ABCC4: variants seen among roughly 807,000 people sequenced by gnomAD.
ABCC4 encodes the protein ATP binding cassette subfamily C member 4 (PEL blood group).
In ABCC4, 102 loss-of-function variants were observed where a neutral mutation model predicts 168.5. That is an observed-to-expected ratio of 0.61 (90% CI 0.52 to 0.71). The LOEUF (loss-of-function observed/expected upper bound fraction) is 0.71, where lower values mean the gene tolerates loss of function less well. ABCC4 is among the 30% of genes least tolerant of loss of function. The pLI is 0.00. For synonymous variants in ABCC4, 617 were observed against 590.7 expected (o/e 1.04, Z -0.65); for missense variants, 1,402 against 1,605.8 (o/e 0.87, Z 2.17).
At chr13:95,232,711 C>T (rs534077822) in intron 4 of ABCC4, among the ~76,000 whole-genome samples, 51 of 151,638 alleles carry the variant, frequency 3.4e-4, no homozygotes, top group African/African-American at 1.0e-3. Flanking sequence ...CTTAAAAAAA[C>T]GGCCCAGGAC....
intron 24 of ABCC4, among the ~76,000 whole-genome samples, chr13:95,072,347 G>C (rs1566392194): frequency 1.3e-5 from 2 of 152,128 alleles, no homozygotes; most frequent in Non-Finnish European, 2.9e-5. Flanking sequence ...TGTAATCCCA[G>C]CTACTCAGGA....
intron 30 of ABCC4, among the ~76,000 whole-genome samples, chr13:95,029,129 G>A (rs773516058): frequency 1.8e-4 from 27 of 148,054 alleles, no homozygotes; most frequent in Non-Finnish European, 3.1e-4. Flanking sequence ...TAGAGGTCCA[G>A]CCTGGGCAAC....
At chr13:95,291,479 CCA>C (rs1216459152) in intron 1 of ABCC4, among the ~76,000 whole-genome samples, 1 of 152,152 alleles carries the variant, frequency 6.6e-6, no homozygotes, top group Non-Finnish European at 1.5e-5. Context: ...AATCTAGCAA[CCA>C]CAGTGTTGAT....
intron 15 of ABCC4, 90 bp downstream of exon 15, chr13:95,166,068 G>A (rs1178631579): frequency 8.3e-7 from 1 of 1,206,086 alleles, no homozygotes; most frequent in African/African-American, 1.5e-5. Flanking sequence ...TGGGACAAAA[G>A]ATGAAGCTTT....
At chr13:95,049,410 A>C (rs1393866554) in intron 27 of ABCC4, among the ~76,000 whole-genome samples, 5 of 151,904 alleles carry the variant, frequency 3.3e-5, no homozygotes, top group Non-Finnish European at 7.4e-5. Flanking sequence ...GGGAGGCTGA[A>C]GCAGGTGGAT....
chr13:95,220,209 A>G (rs2039276005), intron 4 of ABCC4, among the ~76,000 whole-genome samples: 1 of 152,034 alleles, frequency 6.6e-6, no homozygotes, highest in Non-Finnish European at 1.5e-5. Flanking sequence ...CAAATAAGAA[A>G]TGTGTTTATA....
In ABCC4 at chr13:95,247,636, G is replaced by C. The variant is rs11568700; in HGVS notation, c.185+7C>G. The C allele has an allele frequency of 6.2e-7, 1 of 1,609,542 alleles. No individual in the cohort carries two copies. The highest frequency in any genetic ancestry group is 1.7e-5 in the Admixed American group (1 of 59,936). ...CCTTAATGCCCACTTTACTGCCTCC[G>C]ACTTACCCTTGCAACTCCTCTCCAA... On this transcript the variant is annotated splice_region_variant and intron_variant, in intron 2 of 30. Transcript: ENST00000645237.
intron 30 of ABCC4, among the ~76,000 whole-genome samples, chr13:95,032,492 G>A (rs527402327): frequency 3.9e-5 from 6 of 152,146 alleles, no homozygotes; most frequent in East Asian, 1.9e-4. Context: ...TTATAGAATC[G>A]TTTTGAGGAT....
chr13:95,065,142 G>T (rs1041490779), intron 25 of ABCC4, among the ~76,000 whole-genome samples: 1 of 152,088 alleles, frequency 6.6e-6, no homozygotes, highest in Non-Finnish European at 1.5e-5. Context: ...TCTTCCCCAA[G>T]TTCACAGGCT....
chr13:95,038,221 A>G (rs1434373705), intron 29 of ABCC4, among the ~76,000 whole-genome samples: 1 of 152,068 alleles, frequency 6.6e-6, no homozygotes, highest in Non-Finnish European at 1.5e-5. Context: ...GCCAAAACAC[A>G]TTGGAGGAAA....
At chr13:95,108,095 C>T (rs1157387280) in intron 20 of ABCC4, among the ~76,000 whole-genome samples, 1 of 152,068 alleles carries the variant, frequency 6.6e-6, no homozygotes, top group Admixed American at 6.5e-5. Flanking sequence ...GAGTAGTCTC[C>T]ACAGCTGGGA....
At chr13:95,103,379 C>T (rs548694366) in intron 20 of ABCC4, among the ~76,000 whole-genome samples, 1 of 152,348 alleles carries the variant, frequency 6.6e-6, no homozygotes, top group Non-Finnish European at 1.5e-5. Flanking sequence ...TCACCCTAAA[C>T]AGACCACATA....
chr13:95,034,421 C>T (rs1011016930), intron 30 of ABCC4, among the ~76,000 whole-genome samples, 184 bp downstream of exon 30: 1 of 152,252 alleles, frequency 6.6e-6, no homozygotes. Flanking sequence ...CCCGCTTCTG[C>T]CAACTCTTTG....
rs539228326 is a variant in ABCC4, at chr13:95,075,978, ATG to A, written c.2687-429_2687-428del. Among the ~76,000 whole-genome samples the A allele has an allele frequency of 2.3e-3, 356 of 152,280 alleles. 3 individuals are homozygous for A. The highest frequency in any genetic ancestry group is 8.2e-3 in the African/African-American group (339 of 41,558). The stretch of plus-strand genomic sequence containing the variant: ...CATACTGAATTACAATTAGCCATCT[ATG>A]TGTCTGTCCCCACCTTAAATTGCTA... On this transcript the variant is annotated intron_variant, in intron 21 of 30. Transcript: ENST00000645237.
chr13:95,158,679 T>A (rs2036963183), intron 19 of ABCC4, among the ~76,000 whole-genome samples: 1 of 152,128 alleles, frequency 6.6e-6, no homozygotes, highest in Admixed American at 6.5e-5. Context: ...GGGCACAACA[T>A]CATGCCAGAT....
intron 4 of ABCC4, among the ~76,000 whole-genome samples, chr13:95,224,528 G>T (rs779988215): frequency 3.9e-5 from 6 of 152,164 alleles, no homozygotes; most frequent in Non-Finnish European, 8.8e-5. Context: ...CTTGAGGTCA[G>T]GAGTTCAAGA....
At chr13:95,171,159 T>G (rs988186547) in intron 13 of ABCC4, among the ~76,000 whole-genome samples, 1 of 148,148 alleles carries the variant, frequency 6.8e-6, no homozygotes, top group Non-Finnish European at 1.5e-5. Flanking sequence ...CAAATGCTAG[T>G]GACATGTGAC....
chr13:95,253,954 G>A (rs982486125), intron 1 of ABCC4, among the ~76,000 whole-genome samples: 11 of 152,024 alleles, frequency 7.2e-5, no homozygotes, highest in African/African-American at 2.7e-4. Flanking sequence ...GTGCAGTGGC[G>A]CAATCATACC....
At position 95,083,376 on chromosome 13, in the gene ABCC4, C is replaced by T; in HGVS notation, c.2536-86G>A. On this transcript the variant is annotated intron_variant, in intron 20 of 30. Transcript: ENST00000645237. ...CATGAGTTGTTGTTAGGATTACACTCCTTTCTCTGAAAGACTTATTGTAGT... is the reference window on the plus strand; with the variant it reads ...CATGAGTTGTTGTTAGGATTACACTTCTTTCTCTGAAAGACTTATTGTAGT... The T allele has an allele frequency of 2.7e-6, 4 of 1,473,622 alleles. No individual in the cohort carries two copies. The South Asian group carries it at 5.2e-5, about 19-fold the overall frequency. 91.3% of individuals were successfully genotyped at this position (1,473,622 alleles called of 1,614,324 possible).
Sources: allele counts gnomAD v4.1 joint callset (sites outside exome capture counted in the v4.1 genomes callset), GRCh38; gene constraint gnomAD v4.1.1; transcripts MANE v1.5; gene names NCBI Gene and HGNC (gene_info 2026-07-23, HGNC 2026-07-21).